Variants in TNN observed in about 807,000 individuals in gnomAD.
TNN encodes the protein tenascin N.
Under a neutral mutation model 134.4 loss-of-function variants are expected in TNN, and 122 were observed. The observed-to-expected ratio is 0.91, with a 90% confidence interval of 0.78 to 1.06. TNN has a LOEUF of 1.06. TNN is among the 50% of genes least tolerant of loss of function. TNN has a pLI of 0.00. For synonymous variants in TNN, 710 were observed against 670.3 expected, an observed-to-expected ratio of 1.06 and a Z score of -0.91; for missense variants, 1,739 against 1,699.4, an observed-to-expected ratio of 1.02 and a Z score of -0.41.
chr1:175,072,707 C>T (rs1317830390), intron 1 of TNN, among the ~76,000 whole-genome samples: 1 of 152,122 alleles, frequency 6.6e-6, no homozygotes, highest in Non-Finnish European at 1.5e-5. Flanking sequence ...CTCTCATCTT[C>T]TTTCGAACAA....
chr1:175,076,118 T>C (rs1368358166), intron 1 of TNN, among the ~76,000 whole-genome samples: 5 of 152,318 alleles, frequency 3.3e-5, no homozygotes, highest in Admixed American at 3.3e-4. Context: ...TGGTCTGTCC[T>C]GCCTCAGCTT....
intron 17 of TNN, among the ~76,000 whole-genome samples, chr1:175,143,205 A>C (rs1033147392): frequency 6.6e-6 from 1 of 152,220 alleles, no homozygotes; most frequent in African/African-American, 2.4e-5. Context: ...TGCCCTGCTC[A>C]CTTCACAGGG....
chr1:175,095,568 TTG>T (rs1674551145), intron 7 of TNN, among the ~76,000 whole-genome samples: 1 of 152,092 alleles, frequency 6.6e-6, no homozygotes. Flanking sequence ...GCATTTTTGT[TTG>T]TTTGTTTGTT....
rs538081080 is a variant in TNN, at chr1:175,079,544, C to T, written c.621C>T (p.Ser207=). The change falls in exon 3 of 19, where the codon AGC becomes AGT. Residue 207 remains serine (S), a synonymous_variant. Transcript: ENST00000239462. ...ACCCGGCCTGCCCTGAGAACTGCAGCGGACACGGCGAGTGCGTGCGCGGCG... is the reference window on the plus strand; with the variant it reads ...ACCCGGCCTGCCCTGAGAACTGCAGTGGACACGGCGAGTGCGTGCGCGGCG... The part of the protein sequence containing the change: ...CGYPACPENC[S]GHGECVRGVC... The T allele has an allele frequency of 1.7e-5, 27 of 1,568,904 alleles. No individual in the cohort carries two copies. In the African/African-American group the frequency reaches 1.8e-4, roughly 10 times the overall value.
intron 16 of TNN, among the ~76,000 whole-genome samples, chr1:175,136,292 C>T (rs749231851): frequency 1.3e-5 from 2 of 152,154 alleles, no homozygotes; most frequent in East Asian, 1.9e-4. Context: ...AAATTCTGTT[C>T]GTGATGCCAG....
intron 17 of TNN, among the ~76,000 whole-genome samples, chr1:175,137,396 A>G (rs199935367): frequency 0.74 from 110,640 of 150,510 alleles, 40,832 homozygotes; most frequent in Non-Finnish European, 0.78. Context: ...GTGTGTGATT[A>G]TTTGAGCTTT....
At chr1:175,086,794 T>G (rs1674332894) in intron 6 of TNN, among the ~76,000 whole-genome samples, 1 of 152,232 alleles carries the variant, frequency 6.6e-6, no homozygotes, top group African/African-American at 2.4e-5. Flanking sequence ...GCCTGAATAG[T>G]GGACTAGGGA....
intron 9 of TNN, among the ~76,000 whole-genome samples, chr1:175,103,267 T>C (rs1037938862): frequency 1.4e-5 from 2 of 146,268 alleles, no homozygotes; most frequent in African/African-American, 4.9e-5. Flanking sequence ...CAGAAGCCTT[T>C]TCCTGTAAAC....
intron 9 of TNN, among the ~76,000 whole-genome samples, chr1:175,108,450 T>C (rs1416353821): frequency 6.6e-6 from 1 of 152,246 alleles, no homozygotes; most frequent in African/African-American, 2.4e-5. Flanking sequence ...TCCCATGCCA[T>C]GAGCTCGTAC....
At position 175,147,260 on chromosome 1, in the gene TNN, A is replaced by C; in HGVS notation, c.*189A>C. 2.0e-6 allele frequency: 1 copy of C among 497,196 alleles called. No homozygotes were observed. Among genetic ancestry groups the C allele is most frequent in the Non-Finnish European group, 3.3e-6 (1 of 298,802 alleles). 30.8% of individuals were successfully genotyped at this position (497,196 alleles called of 1,614,324 possible). Reference sequence around the variant, plus strand: ...TGCCCGTCTTTATGAGGGTCTTGAAAATCAAAATAGTAGTTGCACAGTATG... The same window carrying C: ...TGCCCGTCTTTATGAGGGTCTTGAACATCAAAATAGTAGTTGCACAGTATG... On this transcript the variant is annotated 3_prime_UTR_variant, in exon 19 of 19. Transcript: ENST00000239462.
chr1:175,086,409 G>A (rs991749954), intron 6 of TNN, among the ~76,000 whole-genome samples: 5 of 152,190 alleles, frequency 3.3e-5, no homozygotes, highest in African/African-American at 7.2e-5. Context: ...GTAACTTTTA[G>A]TTTTTAAACC....
intron 9 of TNN, among the ~76,000 whole-genome samples, chr1:175,101,796 G>T (rs1335789036): frequency 1.0e-4 from 15 of 148,474 alleles, no homozygotes; most frequent in African/African-American, 3.4e-4. Flanking sequence ...TAGACATAAA[G>T]GTTCACCAAG....
Position 175,077,619 on chromosome 1 carries a change from C to T in TNN, c.201C>T (p.Asp67=), listed in dbSNP as rs779026691. The T allele has an allele frequency of 2.4e-5, 38 of 1,614,214 alleles. No individual in the cohort carries two copies. Among genetic ancestry groups the T allele is most frequent in the African/African-American group, 2.7e-5 (2 of 75,062 alleles). ...ACGCTGACCCTCAGCCCCTCAGTGA[C>T]GATGGGGCTTCGCTCTTGGCCCTGG... ...QVDADPQPLS[D]DGASLLALGE... Residue 67 remains aspartate, a synonymous_variant, in exon 2 of 19, where the codon GAC becomes GAT. Transcript: ENST00000239462.
At chr1:175,111,772 T>C (rs1053532683) in intron 9 of TNN, among the ~76,000 whole-genome samples, 1 of 132,568 alleles carries the variant, frequency 7.5e-6, no homozygotes, top group East Asian at 1.9e-4. Flanking sequence ...AGGGATTGCT[T>C]CCTTGATTTT....
intron 11 of TNN, among the ~76,000 whole-genome samples, chr1:175,121,905 G>A (rs977775303): frequency 2.0e-5 from 3 of 152,186 alleles, no homozygotes; most frequent in Non-Finnish European, 4.4e-5. Context: ...TTAATTGAGT[G>A]ATTCATTTAT....
intron 18 of TNN, among the ~76,000 whole-genome samples, chr1:175,145,261 T>A (rs970974484): frequency 2.0e-5 from 3 of 152,044 alleles, no homozygotes; most frequent in African/African-American, 7.2e-5. Context: ...GAACAAGAGC[T>A]ATTTCTTTAG....
At chr1:175,099,393 AGGTG>A (rs1674658143) in intron 9 of TNN, among the ~76,000 whole-genome samples, 1 of 148,726 alleles carries the variant, frequency 6.7e-6, no homozygotes, top group Non-Finnish European at 1.5e-5. Flanking sequence ...GGGGAAGGAG[AGGTG>A]AGGGGTCAGG....
chr1:175,127,881 A>G (rs1675571362), intron 13 of TNN, 151 bp from the exon 14 acceptor site: 1 of 858,342 alleles, frequency 1.2e-6, no homozygotes, highest in African/African-American at 1.7e-5. Context: ...ACCCACTGCG[A>G]TTCTGGGCTG....
At chr1:175,088,200 T>G (rs1674363436) in intron 6 of TNN, among the ~76,000 whole-genome samples, 1 of 151,974 alleles carries the variant, frequency 6.6e-6, no homozygotes. Flanking sequence ...GTTAGGGGGG[T>G]GGGTAGGTGG....
Sources: gnomAD v4.1 joint callset for allele counts (sites outside exome capture counted in the v4.1 genomes callset) on GRCh38, gnomAD v4.1.1 for gene constraint, MANE v1.5 for transcripts, NCBI Gene and HGNC (gene_info 2026-07-23, HGNC 2026-07-21) for gene names.